HIRA: variants seen among roughly 807,000 people sequenced by gnomAD.
HIRA encodes protein HIRA.
In HIRA, 13 loss-of-function variants were observed where a neutral mutation model predicts 126.6. The observed-to-expected ratio is 0.10, with a 90% confidence interval of 0.07 to 0.16. The LOEUF (loss-of-function observed/expected upper bound fraction) is 0.16, where lower values mean the gene tolerates loss of function less well. Among genes scored for constraint, HIRA ranks in the 10% least tolerant of loss-of-function variants. The pLI is 1.00. For synonymous variants in HIRA, 511 were observed against 520.0 expected (o/e 0.98, Z 0.24); for missense variants, 834 against 1,314.4 (o/e 0.63, Z 5.65).
intron 6 of HIRA, 97 bp downstream of exon 6, chr22:19,397,895 T>C: frequency 2.6e-6 from 2 of 756,606 alleles, no homozygotes; most frequent in Non-Finnish European, 4.5e-6. Flanking sequence ...CTGTGACACA[T>C]CTGTTGCCAC....
chr22:19,393,010 G>A (rs1601840996), intron 8 of HIRA, among the ~76,000 whole-genome samples: 1 of 152,162 alleles, frequency 6.6e-6, no homozygotes, highest in South Asian at 2.1e-4. Context: ...ATTCCAGAGG[G>A]CAGGCAGGAA....
chr22:19,406,577 A>T (rs1248286819), intron 4 of HIRA, among the ~76,000 whole-genome samples: 1 of 152,170 alleles, frequency 6.6e-6, no homozygotes, highest in Non-Finnish European at 1.5e-5. Flanking sequence ...CCACAGAAAG[A>T]GTGTGCTGAG....
At chr22:19,396,601 C>T (rs1340357427) in intron 7 of HIRA, among the ~76,000 whole-genome samples, 186 bp downstream of exon 7, 2 of 152,240 alleles carry the variant, frequency 1.3e-5, no homozygotes, top group Non-Finnish European at 2.9e-5. Flanking sequence ...ATGAAGGATT[C>T]TGTATTATCT....
intron 24 of HIRA, among the ~76,000 whole-genome samples, chr22:19,349,432 T>G (rs1262184522): frequency 6.6e-6 from 1 of 152,146 alleles, no homozygotes; most frequent in Non-Finnish European, 1.5e-5. Flanking sequence ...GAGAGGATAT[T>G]ACATCTCTCA....
chr22:19,394,204 C>A, intron 8 of HIRA, 138 bp downstream of exon 8: 1 of 1,034,262 alleles, frequency 9.7e-7, no homozygotes, highest in Non-Finnish European at 1.4e-6. Context: ...GTAAAGTTTG[C>A]CAATAAATCA....
chr22:19,360,444 G>A (rs2088852882), intron 17 of HIRA, among the ~76,000 whole-genome samples: 1 of 152,176 alleles, frequency 6.6e-6, no homozygotes, highest in African/African-American at 2.4e-5. Flanking sequence ...CCTACCCTTT[G>A]GCTTCCCTGC....
rs1254953785 is a variant in HIRA at position 19,354,176 on chromosome 22, T to C, written c.2562-58A>G. 9.0e-6 allele frequency: 14 copies of C among 1,551,910 alleles called. No homozygotes were observed. The African/African-American group carries it at 1.6e-4, about 18-fold the overall frequency. On this transcript the variant is annotated intron_variant, in intron 21 of 24. Coordinates refer to ENST00000263208, the MANE Select transcript of HIRA (RefSeq NM_003325.4). ...AAAACCAAGAGATCTGGTTGGCCTCTTTGCCAACCAGAGAAGGCTGGCAAA... is the reference window on the plus strand; with the variant it reads ...AAAACCAAGAGATCTGGTTGGCCTCCTTGCCAACCAGAGAAGGCTGGCAAA...
intron 1 of HIRA, among the ~76,000 whole-genome samples, chr22:19,423,482 TACAC>T (rs777914879): frequency 0.025 from 2,736 of 111,262 alleles, 25 homozygotes; most frequent in East Asian, 0.036. Flanking sequence ...CACACATGCA[TACAC>T]ACACACACAC....
intron 12 of HIRA, among the ~76,000 whole-genome samples, chr22:19,384,707 T>A (rs903094059): frequency 6.6e-5 from 10 of 151,502 alleles, no homozygotes; most frequent in African/African-American, 2.4e-4. Flanking sequence ...CAGGCTGGAG[T>A]GCAGTGGCGC....
chr22:19,355,735 T>C (rs1556012297), intron 21 of HIRA, 25 bp downstream of exon 21: 21 of 1,522,740 alleles, frequency 1.4e-5, no homozygotes, highest in Non-Finnish European at 1.8e-5. Flanking sequence ...TTCCAGGGAA[T>C]AGGACTGGGG....
chr22:19,424,467 G>A (rs1453037947), intron 1 of HIRA, among the ~76,000 whole-genome samples: 4 of 152,222 alleles, frequency 2.6e-5, no homozygotes. Flanking sequence ...AAACCTACCA[G>A]GTTAGAAGCC....
At chr22:19,401,997 T>C (rs2089272730) in intron 5 of HIRA, among the ~76,000 whole-genome samples, 1 of 152,186 alleles carries the variant, frequency 6.6e-6, no homozygotes, top group African/African-American at 2.4e-5. Context: ...AGGGGTTCAC[T>C]GGGCACAGTA....
chr22:19,383,723 C>T lies in HIRA; in HGVS notation c.1330-18G>A. ...AAAAGATTCTGGCAAAGCAGAGTTACATAAATGAATGCAAAAGTTTTGGCC... is the reference window on the plus strand; with the variant it reads ...AAAAGATTCTGGCAAAGCAGAGTTATATAAATGAATGCAAAAGTTTTGGCC... On this transcript the variant is annotated intron_variant, in intron 12 of 24. Transcript: ENST00000263208. 2 of 1,600,908 alleles carry T rather than the reference C, an allele frequency of 1.2e-6. No individual in the cohort carries two copies. Among genetic ancestry groups the T allele is most frequent in the Non-Finnish European group, 8.5e-7 (1 of 1,171,552 alleles).
intron 15 of HIRA, among the ~76,000 whole-genome samples, chr22:19,362,893 A>C (rs2088877577): frequency 6.6e-6 from 1 of 151,942 alleles, no homozygotes; most frequent in Non-Finnish European, 1.5e-5. Flanking sequence ...TACTCAGCTA[A>C]AACCAGAGAA....
intron 24 of HIRA, among the ~76,000 whole-genome samples, chr22:19,336,711 C>T (rs1030832744): frequency 5.3e-5 from 8 of 152,342 alleles, no homozygotes; most frequent in South Asian, 2.1e-4. Context: ...ATCACATCAC[C>T]GGGTTCTTTG....
At chr22:19,395,492 G>A (rs1302379098) in intron 7 of HIRA, among the ~76,000 whole-genome samples, 7 of 152,166 alleles carry the variant, frequency 4.6e-5, no homozygotes, top group African/African-American at 1.7e-4. Context: ...TCCAGAAGGA[G>A]CAAAAGCTCC....
chr22:19,431,540 G>A lies in HIRA; in HGVS notation c.-64C>T. The stretch of plus-strand genomic sequence containing the variant: ...GGGTCCCTCAGCGCGCCCGGGCCAT[G>A]GAGCCACCGCCGCCGCTTCCTCCCG... On this transcript the variant is annotated 5_prime_UTR_variant, in exon 1 of 25. Transcript: ENST00000263208. 2.3e-6 allele frequency: 3 copies of A among 1,309,642 alleles called. No individual in the cohort carries two copies. Among genetic ancestry groups the A allele is most frequent in the Non-Finnish European group, 3.0e-6 (3 of 1,014,802 alleles). The allele number at this position is 1,309,642 out of a possible 1,614,324, so 81.1% of individuals were successfully genotyped here.
chr22:19,339,664 C>T (rs1052752524), intron 24 of HIRA, among the ~76,000 whole-genome samples: 5 of 150,774 alleles, frequency 3.3e-5, no homozygotes, highest in Non-Finnish European at 7.4e-5. Flanking sequence ...TCCAATTAAG[C>T]TAAATTAGAA....
Position 19,398,016 on chromosome 22 carries a change from T to C in HIRA, c.469A>G (p.Ile157Val). 6.2e-7 allele frequency: 1 copy of C among 1,614,024 alleles called. No homozygotes were observed. The highest frequency in any genetic ancestry group is 1.1e-5 in the South Asian group (1 of 91,070). The change falls in exon 6 of 25, where the codon ATC (isoleucine) becomes GTC (valine). Residue 157 changes from isoleucine to valine, a missense_variant. This residue lies in a region of HIRA where 53 missense variants were observed against 163.7 expected (regional missense o/e 0.32). Coordinates refer to ENST00000263208, the MANE Select transcript of HIRA (RefSeq NM_003325.4). Reference sequence around the variant, plus strand: ...CCTGGGAACTTTACAGCATTCCAGATGACGACAGTGTTATCCACGCTGCAT... The same window carrying C: ...CCTGGGAACTTTACAGCATTCCAGACGACGACAGTGTTATCCACGCTGCAT... Reference protein sequence around the residue: ...ASCSVDNTVVIWNAVKFPEIL... With the variant: ...ASCSVDNTVVVWNAVKFPEIL...
Sources: allele counts gnomAD v4.1 joint callset (sites outside exome capture counted in the v4.1 genomes callset), GRCh38; gene constraint gnomAD v4.1.1; regional missense constraint gnomAD v4.1.1; transcripts MANE v1.5; gene names NCBI Gene and HGNC (gene_info 2026-07-23, HGNC 2026-07-21).